The following TENT4B variants were observed in gnomAD, a reference collection of about 807,000 sequenced individuals.
The protein encoded by TENT4B is PAP associated domain containing 5.
Under a neutral mutation model 75.0 loss-of-function variants are expected in TENT4B, and 10 were observed. That is an observed-to-expected ratio of 0.13 (90% CI 0.08 to 0.23). The LOEUF (loss-of-function observed/expected upper bound fraction) is 0.23, where lower values mean the gene tolerates loss of function less well. Ranked by LOEUF, TENT4B falls within the 10% of genes least tolerant of loss-of-function variation. TENT4B has a pLI of 1.00. For missense variants in TENT4B, 579 were observed against 893.8 expected (o/e 0.65, Z 4.49); for synonymous variants, 350 against 357.7 (o/e 0.98, Z 0.24).
Position 50,230,145 on chromosome 16 carries a change from C to T in TENT4B, c.*817C>T, listed in dbSNP as rs2032236662. 1 of 983,848 alleles carries T rather than the reference C, an allele frequency of 1.0e-6. No homozygotes were observed. Among genetic ancestry groups the T allele is most frequent in the Non-Finnish European group, 1.2e-6 (1 of 829,120 alleles). The allele number at this position is 983,848 out of a possible 1,614,324, so 60.9% of individuals were successfully genotyped here. A position where few individuals can be genotyped will look rare whatever the true frequency, so the allele number is the denominator to read the frequency against. Reference sequence around the variant, plus strand: ...TAAAAAAAAAAAAATGTACTATGTACTTTTGTGTAAACACTGAAAAATCTC... The same window carrying T: ...TAAAAAAAAAAAAATGTACTATGTATTTTTGTGTAAACACTGAAAAATCTC... On this transcript the variant is annotated 3_prime_UTR_variant, in exon 12 of 12. Transcript: ENST00000561678.
intron 1 of TENT4B, among the ~76,000 whole-genome samples, chr16:50,197,186 CCTGTTAAAGAG>C (rs1240264157): frequency 7.2e-5 from 11 of 151,910 alleles, no homozygotes; most frequent in Admixed American, 7.2e-4. Context: ...GTTTCCTTAA[CCTGTTAAAGAG>C]CTGATAAAGA....
intron 1 of TENT4B, among the ~76,000 whole-genome samples, chr16:50,194,958 C>T (rs1048926311): frequency 2.7e-4 from 41 of 151,970 alleles, no homozygotes; most frequent in Admixed American, 1.1e-3. Context: ...ACCGTGTTAG[C>T]CAGGATGGTC....
At chr16:50,203,739 ACT>A (rs1198009418) in intron 1 of TENT4B, among the ~76,000 whole-genome samples, 8 of 151,946 alleles carry the variant, frequency 5.3e-5, no homozygotes, top group African/African-American at 1.9e-4. Context: ...CCCTTTTGAG[ACT>A]CTGTGGACAT....
chr16:50,233,966 A>G lies in TENT4B; in HGVS notation c.*4638A>G. The G allele has an allele frequency of 1.0e-6, 1 of 985,444 alleles. No individual in the cohort carries two copies. The highest frequency in any genetic ancestry group is 5.2e-4 in the Middle Eastern group (1 of 1,914). The allele number at this position is 985,444 out of a possible 1,614,324, so 61.0% of individuals were successfully genotyped here. On this transcript the variant is annotated 3_prime_UTR_variant, in exon 12 of 12. Coordinates refer to ENST00000561678, the MANE Select transcript of TENT4B (RefSeq NM_001365324.3). The stretch of plus-strand genomic sequence containing the variant: ...TTATTAGTAGTTGCATATCATCTCT[A>G]GTTCCACATTTTAACTTAACGTCTT...
chr16:50,217,798 C>A, intron 5 of TENT4B, 135 bp downstream of exon 5: 1 of 236,118 alleles, frequency 4.2e-6, no homozygotes, highest in Non-Finnish European at 7.6e-6. Context: ...TAGGGTCTCA[C>A]TCTGTCACCT....
At chr16:50,222,516 G>T (rs556784586) in intron 6 of TENT4B, 82 bp downstream of exon 6, 6 of 1,463,252 alleles carry the variant, frequency 4.1e-6, no homozygotes, top group African/African-American at 1.4e-5. Flanking sequence ...GGAAAAAATC[G>T]AAATCAACCT....
At chr16:50,214,616 A>G (rs968698696) in intron 3 of TENT4B, among the ~76,000 whole-genome samples, 3 of 152,202 alleles carry the variant, frequency 2.0e-5, no homozygotes, top group South Asian at 2.1e-4. Context: ...AGATCGCGCC[A>G]CTGCACTCCA....
chr16:50,180,022 A>C (rs1421800378), intron 1 of TENT4B, among the ~76,000 whole-genome samples: 2 of 152,240 alleles, frequency 1.3e-5, no homozygotes, highest in African/African-American at 4.8e-5. Context: ...AGTTAAAAAA[A>C]AAATTAGTGA....
intron 1 of TENT4B, among the ~76,000 whole-genome samples, chr16:50,208,190 G>A (rs1412943994): frequency 6.6e-6 from 1 of 152,070 alleles, no homozygotes; most frequent in African/African-American, 2.4e-5. Context: ...TCTCCTTCCA[G>A]TGTGGCAAAT....
At chr16:50,179,287 G>A (rs1270481647) in intron 1 of TENT4B, among the ~76,000 whole-genome samples, 5 of 152,206 alleles carry the variant, frequency 3.3e-5, no homozygotes, top group Admixed American at 1.3e-4. Context: ...GCTTGAACCC[G>A]GGTGGTGGAG....
In TENT4B at chr16:50,153,706, G is replaced by A; in HGVS notation, c.85G>A (p.Gly29Arg). Residue 29 changes from glycine (G) to arginine (R), a missense_variant, in exon 1 of 12, where the codon GGG becomes AGG. Physicochemically the swap from Gly to Arg is moderately radical, Grantham distance 125. Transcript: ENST00000561678. Reference sequence around the variant, plus strand: ...GATGCAGATCTGGGAGACGACCCAGGGGCTGAGGAACCTCTACTTCAACCA... The same window carrying A: ...GATGCAGATCTGGGAGACGACCCAGAGGCTGAGGAACCTCTACTTCAACCA... ...LWMQIWETTQ[G>R]LRNLYFNHHC... 9.6e-7 allele frequency: 1 copy of A among 1,037,938 alleles called. No individual in the cohort carries two copies. The allele number at this position is 1,037,938 out of a possible 1,614,324, so 64.3% of individuals were successfully genotyped here. A position where few individuals can be genotyped will look rare whatever the true frequency, so the allele number is the denominator to read the frequency against.
chr16:50,185,963 T>C (rs1488323771), intron 1 of TENT4B, among the ~76,000 whole-genome samples: 1 of 152,230 alleles, frequency 6.6e-6, no homozygotes, highest in Non-Finnish European at 1.5e-5. Flanking sequence ...TTTAATTCTG[T>C]AGTGGTGTTT....
intron 1 of TENT4B, among the ~76,000 whole-genome samples, chr16:50,165,863 T>C (rs895865535): frequency 1.3e-5 from 2 of 152,246 alleles, no homozygotes; most frequent in Admixed American, 6.5e-5. Context: ...TTGGCTGTTA[T>C]GAATATTACT....
At position 50,229,507 on chromosome 16, in the gene TENT4B, A is replaced by T. The variant is rs759822653; in HGVS notation, c.*179A>T. 7.8e-5 allele frequency: 98 copies of T among 1,254,416 alleles called. No individual in the cohort carries two copies. The highest frequency in any genetic ancestry group is 9.5e-5 in the Non-Finnish European group (95 of 1,002,462). The allele number at this position is 1,254,416 out of a possible 1,614,324, so 77.7% of individuals were successfully genotyped here. A position where few individuals can be genotyped will look rare whatever the true frequency, so the allele number is the denominator to read the frequency against. On this transcript the variant is annotated 3_prime_UTR_variant, in exon 12 of 12. Coordinates refer to ENST00000561678, the MANE Select transcript of TENT4B (RefSeq NM_001365324.3). Reference sequence around the variant, plus strand: ...GAAGACTGACAACTGCAAAAAAAACAAAACAAAACAAAAAAAAAAGCAAGC... The same window carrying T: ...GAAGACTGACAACTGCAAAAAAAACTAAACAAAACAAAAAAAAAAGCAAGC...
Position 50,231,933 on chromosome 16 carries a change from T to A in TENT4B, c.*2605T>A. On this transcript the variant is annotated 3_prime_UTR_variant, in exon 12 of 12. Transcript: ENST00000561678. ...CTATATTTTGTGAATATATCAGAAA[T>A]GTGTCATTTATATATTAGAGTCCAT... 1.0e-6 allele frequency: 1 copy of A among 979,278 alleles called. No individual in the cohort carries two copies. Among genetic ancestry groups the A allele is most frequent in the Non-Finnish European group, 1.2e-6 (1 of 824,266 alleles). The allele number at this position is 979,278 out of a possible 1,614,324, so 60.7% of individuals were successfully genotyped here.
At position 50,153,973 on chromosome 16, in the gene TENT4B, C is replaced by T. The variant is rs946909471; in HGVS notation, c.352C>T (p.Pro118Ser). The T allele has an allele frequency of 6.5e-7, 1 of 1,534,146 alleles. No individual in the cohort carries two copies. Among genetic ancestry groups the T allele is most frequent in the East Asian group, 2.5e-5 (1 of 40,758 alleles). Reference sequence around the variant, plus strand: ...CAACAACAACAACAACCACCACCAGCCCGGGGCCTGGGCCCGCCGGGCGGG... The same window carrying T: ...CAACAACAACAACAACCACCACCAGTCCGGGGCCTGGGCCCGCCGGGCGGG... ...TTNNNNNHHQPGAWARRAGSS... is the reference protein window; with the variant it reads ...TTNNNNNHHQSGAWARRAGSS... The change falls in exon 1 of 12, where the codon CCC becomes TCC. Residue 118 changes from proline to serine, a missense_variant. Coordinates refer to ENST00000561678, the MANE Select transcript of TENT4B (RefSeq NM_001365324.3).
chr16:50,160,477 G>A (rs979599954), intron 1 of TENT4B, among the ~76,000 whole-genome samples: 3 of 152,200 alleles, frequency 2.0e-5, no homozygotes, highest in Non-Finnish European at 4.4e-5. Context: ...TTCTAAGTCA[G>A]GAACGGGGGT....
At chr16:50,190,241 C>T (rs2038615532) in intron 1 of TENT4B, among the ~76,000 whole-genome samples, 1 of 151,920 alleles carries the variant, frequency 6.6e-6, no homozygotes, top group African/African-American at 2.4e-5. Context: ...TGATCAGCTA[C>T]ATGATATCTA....
intron 1 of TENT4B, among the ~76,000 whole-genome samples, chr16:50,197,441 A>G (rs1220651259): frequency 6.6e-6 from 1 of 152,138 alleles, no homozygotes; most frequent in Non-Finnish European, 1.5e-5. Context: ...GGTGTGCACC[A>G]CCACGCCTGG....
Sources: gnomAD v4.1 joint callset for allele counts (sites outside exome capture counted in the v4.1 genomes callset) on GRCh38, gnomAD v4.1.1 for gene constraint, MANE v1.5 for transcripts, NCBI Gene and HGNC (gene_info 2026-07-23, HGNC 2026-07-21) for gene names.